Variants in LRRC36 observed in about 807,000 individuals in gnomAD.
The protein encoded by LRRC36 is leucine-rich repeat-containing protein 36.
In LRRC36, 62 loss-of-function variants were observed where a neutral mutation model predicts 81.1. The observed-to-expected ratio is 0.76, with a 90% CI of 0.62 to 0.94. The LOEUF (loss-of-function observed/expected upper bound fraction) is 0.94, where lower values mean the gene tolerates loss of function less well. LRRC36 is among the 40% of genes least tolerant of loss of function. The pLI is 0.00. For missense variants in LRRC36, 761 were observed against 881.7 expected (o/e 0.86, Z 1.73); for synonymous variants, 334 against 348.6 (o/e 0.96, Z 0.47).
At chr16:67,384,629 C>CTAG (rs1406582161) in intron 13 of LRRC36, among the ~76,000 whole-genome samples, 1 of 152,136 alleles carries the variant, frequency 6.6e-6, no homozygotes, top group Non-Finnish European at 1.5e-5. Flanking sequence ...AGAACAACCG[C>CTAG]TAGCTATATA....
intron 12 of LRRC36, among the ~76,000 whole-genome samples, chr16:67,380,539 G>C (rs8045157): frequency 0.089 from 13,540 of 152,164 alleles, 1,984 homozygotes; most frequent in African/African-American, 0.31. Flanking sequence ...ATTTATACAA[G>C]GAACTTGATT....
At chr16:67,359,400 T>C (rs1380239910) in intron 5 of LRRC36, among the ~76,000 whole-genome samples, 1 of 152,226 alleles carries the variant, frequency 6.6e-6, no homozygotes, top group African/African-American at 2.4e-5. Flanking sequence ...ATTGTATGAT[T>C]CCATTTATAT....
chr16:67,362,824 C>T (rs981380007), intron 5 of LRRC36, among the ~76,000 whole-genome samples: 2 of 152,146 alleles, frequency 1.3e-5, no homozygotes, highest in South Asian at 4.2e-4. Flanking sequence ...GTCGCCCAGG[C>T]TGGAGTGCAG....
At chr16:67,365,411 T>C (rs886303220) in intron 7 of LRRC36, 56 bp downstream of exon 7, 16 of 1,489,374 alleles carry the variant, frequency 1.1e-5, no homozygotes, top group African/African-American at 1.4e-5. Context: ...GAAGTCTGGA[T>C]GTGATGGGAT....
At chr16:67,337,589 G>A (rs2037824764) in intron 1 of LRRC36, among the ~76,000 whole-genome samples, 1 of 151,232 alleles carries the variant, frequency 6.6e-6, no homozygotes, top group Non-Finnish European at 1.5e-5. Context: ...CAAACTCCTG[G>A]CCTCAGGTGA....
At chr16:67,362,181 G>T in intron 5 of LRRC36, 1 of 452,866 alleles carries the variant, frequency 2.2e-6, no homozygotes, top group Non-Finnish European at 4.4e-6. Flanking sequence ...TTTTCTTCCC[G>T]AGAAAGAGTC....
chr16:67,349,129 A>G, intron 4 of LRRC36, among the ~76,000 whole-genome samples: 1 of 152,220 alleles, frequency 6.6e-6, no homozygotes, highest in East Asian at 1.9e-4. Flanking sequence ...AACATTCACT[A>G]CAAAAATACA....
rs147209439 is a variant in LRRC36 at position 67,374,058 on chromosome 16, C to T, written c.1495-1189C>T. Among the ~76,000 whole-genome samples, 390 of 151,806 alleles carry T rather than the reference C, an allele frequency of 2.6e-3. 1 individual carries two copies. The highest frequency in any genetic ancestry group is 4.9e-3 in the Non-Finnish European group (332 of 67,952). ...AATAAAATATAGAATTAGCCAGGCA[C>T]GGTGGTGCACACCTGTAGTTCCAGC... is the stretch of plus-strand genomic sequence containing the variant. On this transcript the variant is annotated intron_variant, in intron 9 of 13. Transcript: ENST00000329956.
chr16:67,363,511 T>C (rs896546886), intron 5 of LRRC36, 79 bp from the exon 6 acceptor site: 1 of 1,454,126 alleles, frequency 6.9e-7, no homozygotes, highest in Non-Finnish European at 9.4e-7. Context: ...ACTTTCCTTT[T>C]AGTATCTATC....
chr16:67,363,484 T>C (rs879534790), intron 5 of LRRC36, 106 bp from the exon 6 acceptor site: 2 of 1,107,644 alleles, frequency 1.8e-6, no homozygotes, highest in Admixed American at 4.5e-5. Context: ...GCACCAGAAC[T>C]AGCACTCAAT....
At chr16:67,334,637 C>T (rs891933574) in intron 1 of LRRC36, among the ~76,000 whole-genome samples, 2 of 152,064 alleles carry the variant, frequency 1.3e-5, no homozygotes, top group Admixed American at 1.3e-4. Flanking sequence ...TCGTGTCCAC[C>T]ATTATAATAA....
At chr16:67,338,731 A>G (rs1200047319) in intron 1 of LRRC36, among the ~76,000 whole-genome samples, 2 of 152,052 alleles carry the variant, frequency 1.3e-5, no homozygotes, top group East Asian at 1.9e-4. Context: ...ATTTCATTAT[A>G]TAATGTTTAA....
intron 1 of LRRC36, among the ~76,000 whole-genome samples, chr16:67,332,884 T>A (rs1032470077): frequency 5.9e-5 from 9 of 151,626 alleles, no homozygotes; most frequent in Non-Finnish European, 7.4e-5. Flanking sequence ...TATTTATTTA[T>A]TTTATTTATT....
At chr16:67,356,809 G>A (rs954218423) in intron 5 of LRRC36, among the ~76,000 whole-genome samples, 1 of 152,154 alleles carries the variant, frequency 6.6e-6, no homozygotes, top group Non-Finnish European at 1.5e-5. Flanking sequence ...GAGTTCAGTG[G>A]GCATAGTTGA....
chr16:67,334,931 G>A (rs912797486), intron 1 of LRRC36, among the ~76,000 whole-genome samples: 2 of 152,140 alleles, frequency 1.3e-5, no homozygotes, highest in African/African-American at 4.8e-5. Context: ...CAAAAGGGGA[G>A]GGAGTGTACG....
chr16:67,365,465 A>G, intron 7 of LRRC36, 110 bp downstream of exon 7: 2 of 901,210 alleles, frequency 2.2e-6, no homozygotes, highest in Non-Finnish European at 3.4e-6. Context: ...TATTTAGTCA[A>G]CTAATTTCTG....
chr16:67,374,975 C>A (rs1351836385), intron 9 of LRRC36, among the ~76,000 whole-genome samples: 1 of 151,678 alleles, frequency 6.6e-6, no homozygotes, highest in Non-Finnish European at 1.5e-5. Flanking sequence ...ACTAAAAATA[C>A]AAAACTTAGC....
intron 4 of LRRC36, among the ~76,000 whole-genome samples, 190 bp from the exon 5 acceptor site, chr16:67,350,012 C>T (rs550716529): frequency 1.2e-4 from 19 of 152,290 alleles, no homozygotes; most frequent in African/African-American, 3.4e-4. Context: ...CCACCCGCCT[C>T]GGCCTCCCAA....
intron 12 of LRRC36, 94 bp from the exon 13 acceptor site, chr16:67,382,039 C>G (rs2040129771): frequency 3.6e-6 from 3 of 823,820 alleles, no homozygotes; most frequent in Non-Finnish European, 6.0e-6. Flanking sequence ...CATGGGGCCC[C>G]CAGTTCTCAA....
Sources: allele counts gnomAD v4.1 joint callset (sites outside exome capture counted in the v4.1 genomes callset), GRCh38; gene constraint gnomAD v4.1.1; transcripts MANE v1.5; gene names NCBI Gene and HGNC (gene_info 2026-07-23, HGNC 2026-07-21).